The following MYO1B variants were observed in gnomAD, a reference collection of about 807,000 sequenced individuals.
MYO1B encodes the protein unconventional myosin-Ib.
In MYO1B, 72 loss-of-function variants were observed where a neutral mutation model predicts 159.7. The observed-to-expected ratio is 0.45, with a 90% CI of 0.37 to 0.55. MYO1B has a LOEUF of 0.55. MYO1B is among the 20% of genes least tolerant of loss of function. The pLI, the probability that MYO1B is intolerant of heterozygous loss-of-function variation, is 0.00. For synonymous variants in MYO1B, 468 were observed against 473.8 expected, an observed-to-expected ratio of 0.99 and a Z score of 0.16; for missense variants, 1,062 against 1,364.8, an observed-to-expected ratio of 0.78 and a Z score of 3.50.
rs924886726 is a variant in MYO1B, at chr2:191,370,086, C to T, written c.1120-141C>T. The T allele has an allele frequency of 6.5e-6, 4 of 612,458 alleles. No homozygotes were observed. In the East Asian group the frequency reaches 8.7e-5, roughly 13 times the overall value. The allele number at this position is 612,458 out of a possible 1,614,324, so 37.9% of individuals were successfully genotyped here. A position where few individuals can be genotyped will look rare whatever the true frequency, so the allele number is the denominator to read the frequency against. On this transcript the variant is annotated intron_variant, in intron 12 of 30. Transcript: ENST00000392318. ...TTCTATACCAATGCCTCATCTCATA[C>T]ATTTTTTAAAAAACAACTAAATTAG...
At chr2:191,248,419 G>A (rs1367610383) in intron 1 of MYO1B, among the ~76,000 whole-genome samples, 4 of 152,120 alleles carry the variant, frequency 2.6e-5, no homozygotes, top group Admixed American at 2.0e-4. Flanking sequence ...TTAATCTACC[G>A]AACCTTAAAT....
chr2:191,246,549 AG>A (rs1685805227), intron 1 of MYO1B, among the ~76,000 whole-genome samples: 1 of 27,158 alleles, frequency 3.7e-5, no homozygotes, highest in Non-Finnish European at 8.0e-5. Context: ...CAGTGAAAGA[AG>A]CCCCCCCCCC....
chr2:191,370,430 A>T, intron 13 of MYO1B, 138 bp downstream of exon 13: 5 of 649,432 alleles, frequency 7.7e-6, no homozygotes, highest in Non-Finnish European at 1.1e-5. Context: ...ACACACTATC[A>T]CTTTGAATCT....
intron 4 of MYO1B, among the ~76,000 whole-genome samples, chr2:191,338,297 G>A (rs905904167): frequency 6.6e-6 from 1 of 151,708 alleles, no homozygotes; most frequent in African/African-American, 2.4e-5. Flanking sequence ...TTAACAACTT[G>A]GAAATAAATT....
intron 3 of MYO1B, among the ~76,000 whole-genome samples, chr2:191,313,303 C>T (rs973384171): frequency 2.8e-5 from 4 of 145,008 alleles, no homozygotes; most frequent in Non-Finnish European, 4.5e-5. Flanking sequence ...GTCTGCCTCC[C>T]GGGTTCCAGG....
chr2:191,329,897 C>T (rs183917742), intron 3 of MYO1B, 38 bp from the exon 4 acceptor site: 17 of 1,567,096 alleles, frequency 1.1e-5, no homozygotes, highest in Non-Finnish European at 1.5e-5. Context: ...TAATAATGAT[C>T]TGAAGTCTAA....
intron 3 of MYO1B, among the ~76,000 whole-genome samples, chr2:191,318,584 G>A (rs1472106241): frequency 6.6e-6 from 1 of 152,152 alleles, no homozygotes; most frequent in African/African-American, 2.4e-5. Context: ...ATTGTCTCTA[G>A]TCTTTTATCA....
chr2:191,392,436 T>C (rs974192056), intron 19 of MYO1B, among the ~76,000 whole-genome samples: 1 of 152,136 alleles, frequency 6.6e-6, no homozygotes, highest in Non-Finnish European at 1.5e-5. Flanking sequence ...TGTACAACAC[T>C]TAAGAAATCA....
intron 1 of MYO1B, among the ~76,000 whole-genome samples, chr2:191,266,388 C>T (rs1823912): frequency 0.42 from 63,925 of 152,020 alleles, 13,525 homozygotes; most frequent in Middle Eastern, 0.54. Flanking sequence ...AGATGAATTC[C>T]TTTGGATTCC....
Position 191,400,678 on chromosome 2 carries a change from C to T in MYO1B, c.2383-71C>T, listed in dbSNP as rs572065327. On this transcript the variant is annotated intron_variant, in intron 22 of 30. Coordinates refer to ENST00000392318, the MANE Select transcript of MYO1B (RefSeq NM_001130158.3). ...GTGACTAGTGTCTCTCTTTTTCTTT[C>T]TTCATTGAAAACCAGCAGTAACCTT... The T allele has an allele frequency of 5.1e-5, 78 of 1,533,982 alleles. 1 individual carries two copies. The African/African-American group carries it at 7.7e-4, about 15-fold the overall frequency.
rs57237733 is a variant in MYO1B, at chr2:191,260,254, C to CTTTTTTTTTTTTTTTTTTTTTTTTTTT, written c.-10+14641_-10+14642insTTTTTTTTTTTTTTTTTTTTTTTTTTT. 1.8e-3 allele frequency among the ~76,000 whole-genome samples: 107 copies of CTTTTTTTTTTTTTTTTTTTTTTTTTTT among 60,982 alleles called. 35 individuals carry two copies. The highest frequency in any genetic ancestry group is 4.2e-3 in the East Asian group (5 of 1,200). 40.0% of individuals were successfully genotyped at this position (60,982 alleles called of 152,430 possible). A position where few individuals can be genotyped will look rare whatever the true frequency, so the allele number is the denominator to read the frequency against. On this transcript the variant is annotated intron_variant, in intron 1 of 30. Coordinates refer to ENST00000392318, the MANE Select transcript of MYO1B (RefSeq NM_001130158.3). ...TAATATTACTTTTTTCCCAGATAGG[C>CTTTTTTTTTTTTTTTTTTTTTTTTTTT]TTTTTTTTTTTTTGAATTAAAGCTA...
intron 30 of MYO1B, among the ~76,000 whole-genome samples, chr2:191,421,584 C>A (rs1697946869): frequency 6.6e-6 from 1 of 151,452 alleles, no homozygotes; most frequent in Admixed American, 6.6e-5. Context: ...CAAACGATTC[C>A]CCTGCCTCAG....
chr2:191,321,860 A>G lies in MYO1B; in HGVS notation c.252-8075A>G, dbSNP rs558678714. Among the ~76,000 whole-genome samples, 241 of 152,282 alleles carry G rather than the reference A, an allele frequency of 1.6e-3. 2 individuals are homozygous for G. Among genetic ancestry groups the G allele is most frequent in the African/African-American group, 5.6e-3 (232 of 41,566 alleles). The stretch of plus-strand genomic sequence containing the variant: ...GTTAGATTTTAAGCTTCTAGATGAC[A>G]GATTCTCTTAATCATCATCCTCAGA... On this transcript the variant is annotated intron_variant, in intron 3 of 30. Coordinates refer to ENST00000392318, the MANE Select transcript of MYO1B (RefSeq NM_001130158.3).
chr2:191,294,768 A>G (rs4853465), intron 2 of MYO1B, among the ~76,000 whole-genome samples: 80,525 of 151,956 alleles, frequency 0.53, 22,074 homozygotes, highest in East Asian at 0.66. Flanking sequence ...CTTTGACAAG[A>G]TAGTATTCTT....
intron 15 of MYO1B, among the ~76,000 whole-genome samples, 183 bp downstream of exon 15, chr2:191,383,525 C>T (rs1405129144): frequency 2.6e-5 from 3 of 113,288 alleles, no homozygotes; most frequent in African/African-American, 9.8e-5. Context: ...TACACACACA[C>T]ACACACACAC....
At chr2:191,401,505 C>T (rs1301258166) in intron 23 of MYO1B, 1 of 152,190 alleles carries the variant, frequency 6.6e-6, no homozygotes, top group African/African-American at 2.4e-5. Context: ...TAGTCGTGGG[C>T]TCTGTGAACA....
At position 191,322,066 on chromosome 2, in the gene MYO1B, C is replaced by A. The variant is rs543627700; in HGVS notation, c.252-7869C>A. Among the ~76,000 whole-genome samples, 34 of 152,294 alleles carry A rather than the reference C, an allele frequency of 2.2e-4. 1 individual carries two copies. Among genetic ancestry groups the A allele is most frequent in the Non-Finnish European group, 1.5e-4 (10 of 67,996 alleles). ...CATTAATTTGTGAGATAACAGCCTG[C>A]AGTAGCAAGGGCAGATAAAGAAGTA... is the stretch of plus-strand genomic sequence containing the variant. On this transcript the variant is annotated intron_variant, in intron 3 of 30. Coordinates refer to ENST00000392318, the MANE Select transcript of MYO1B (RefSeq NM_001130158.3).
intron 7 of MYO1B, among the ~76,000 whole-genome samples, chr2:191,352,657 T>G (rs1692999818): frequency 6.6e-6 from 1 of 152,190 alleles, no homozygotes. Flanking sequence ...ACAGTGAAAT[T>G]ATATTGAAAT....
At chr2:191,253,646 T>C (rs1447856634) in intron 1 of MYO1B, among the ~76,000 whole-genome samples, 2 of 152,220 alleles carry the variant, frequency 1.3e-5, no homozygotes, top group African/African-American at 4.8e-5. Flanking sequence ...ATGGTTAAAT[T>C]ATTGGAATTC....
Sources: gnomAD v4.1 joint callset for allele counts (sites outside exome capture counted in the v4.1 genomes callset) on GRCh38, gnomAD v4.1.1 for gene constraint, MANE v1.5 for transcripts, NCBI Gene and HGNC (gene_info 2026-07-23, HGNC 2026-07-21) for gene names.